CD8B: variants seen among roughly 807,000 people sequenced by gnomAD.
CD8B encodes CD8 subunit beta.
CD8B carries 6 observed loss-of-function variants against 24.2 expected under a neutral mutation model. The observed-to-expected ratio is 0.25, with a 90% CI of 0.14 to 0.49. The LOEUF (loss-of-function observed/expected upper bound fraction) is 0.49. CD8B is among the 20% of genes least tolerant of loss of function. CD8B has a pLI of 0.98. For synonymous variants in CD8B, 84 were observed against 108.3 expected, an observed-to-expected ratio of 0.78 and a Z score of 1.39; for missense variants, 196 against 271.3, an observed-to-expected ratio of 0.72 and a Z score of 1.95.
chr2:86,855,710 C>G (rs1290285329), intron 2 of CD8B, among the ~76,000 whole-genome samples: 1 of 152,194 alleles, frequency 6.6e-6, no homozygotes, highest in Non-Finnish European at 1.5e-5. Flanking sequence ...AGTGTTGCCT[C>G]CTTCAATCCT....
In CD8B at chr2:86,840,157, T is replaced by G. The variant is rs1300072120; in HGVS notation, c.*2150A>C. ...TTTGTGCTGACTTCTCAAAGCTGGA[T>G]CAAATGGAAAACACCTGGGTCTGGG... is the stretch of plus-strand genomic sequence containing the variant. On this transcript the variant is annotated 3_prime_UTR_variant, in exon 6 of 6. Coordinates refer to ENST00000390655, the MANE Select transcript of CD8B (RefSeq NM_004931.5). Among the ~76,000 whole-genome samples the G allele has an allele frequency of 1.1e-4, 15 of 134,412 alleles. No individual in the cohort carries two copies. The highest frequency in any genetic ancestry group is 2.4e-4 in the South Asian group (1 of 4,144). 88.2% of individuals were successfully genotyped at this position (134,412 alleles called of 152,430 possible).
chr2:86,861,460 G>C (rs1335181173), intron 1 of CD8B, among the ~76,000 whole-genome samples: 1 of 152,036 alleles, frequency 6.6e-6, no homozygotes, highest in Non-Finnish European at 1.5e-5. Context: ...ACCTTCCTCC[G>C]AGCACATCCT....
chr2:86,843,393 G>A (rs1198660997), intron 5 of CD8B: 158 of 972,072 alleles, frequency 1.6e-4, no homozygotes, highest in Non-Finnish European at 1.9e-4. Flanking sequence ...CACTGCACCC[G>A]GCCTTGAATG....
chr2:86,839,738 G>T lies in CD8B; in HGVS notation c.*2569C>A, dbSNP rs981645745. On this transcript the variant is annotated 3_prime_UTR_variant, in exon 6 of 6. Transcript: ENST00000390655. ...GCAATTGCAAAGACAGCAGCAGGGA[G>T]ACGGTCAAATTTCAAAGCCTGCAGT... Among the ~76,000 whole-genome samples the T allele has an allele frequency of 3.1e-4, 48 of 152,404 alleles. 1 individual carries two copies. The highest frequency in any genetic ancestry group is 1.7e-3 in the Admixed American group (26 of 15,312).
At chr2:86,829,176 T>G (rs1674811696) in intron 5 of CD8B, among the ~76,000 whole-genome samples, 1 of 143,472 alleles carries the variant, frequency 7.0e-6, no homozygotes, top group Non-Finnish European at 1.5e-5. Context: ...CTTAGCTCAC[T>G]GCAACCTCCG....
At chr2:86,853,788 C>T (rs910253771) in intron 2 of CD8B, among the ~76,000 whole-genome samples, 15 of 152,180 alleles carry the variant, frequency 9.9e-5, no homozygotes, top group Non-Finnish European at 1.9e-4. Context: ...TCACTGCAAC[C>T]TTTGCCTCCC....
At chr2:86,850,458 A>C (rs1277037425) in intron 3 of CD8B, among the ~76,000 whole-genome samples, 1 of 152,192 alleles carries the variant, frequency 6.6e-6, no homozygotes. Flanking sequence ...ACGCCCCACA[A>C]GCTCTGAGTG....
chr2:86,848,701 A>ATTAATTATTTATTTATTTATTTAAT lies in CD8B; in HGVS notation c.494-1929_494-1928insATTAAATAAATAAATAAATAATTAA, dbSNP rs58311096. Among the ~76,000 whole-genome samples, 14 of 58,874 alleles carry ATTAATTATTTATTTATTTATTTAAT rather than the reference A, an allele frequency of 2.4e-4. 1 individual carries two copies. The highest frequency in any genetic ancestry group is 6.0e-4 in the African/African-American group (7 of 11,754). The allele number at this position is 58,874 out of a possible 152,430, so 38.6% of individuals were successfully genotyped here. ...GGAAGAAAGGTATTGGTATTTTTAA[A>ATTAATTATTTATTTATTTATTTAAT]TTATTTATTTATTTATTTATTTATT... On this transcript the variant is annotated intron_variant, in intron 3 of 5. Coordinates refer to ENST00000390655, the MANE Select transcript of CD8B (RefSeq NM_004931.5).
intron 2 of CD8B, among the ~76,000 whole-genome samples, chr2:86,856,257 G>C (rs74749657): frequency 6.6e-6 from 1 of 152,154 alleles, no homozygotes. Flanking sequence ...GGATGGAGGC[G>C]GTGGGAAGCT....
At chr2:86,847,831 G>T (rs570933416) in intron 3 of CD8B, among the ~76,000 whole-genome samples, 9 of 152,322 alleles carry the variant, frequency 5.9e-5, no homozygotes, top group African/African-American at 1.9e-4. Context: ...CTCCCAAAGT[G>T]CTGGGATTAC....
chr2:86,815,429 T>C (rs2104481327), downstream of CD8B: 1 of 590,850 alleles, frequency 1.7e-6, no homozygotes, highest in Non-Finnish European at 3.0e-6. Context: ...GGGGGACACT[T>C]TGGGGTTCAC....
intron 3 of CD8B, among the ~76,000 whole-genome samples, chr2:86,848,535 C>T (rs1204131315): frequency 6.6e-6 from 1 of 151,876 alleles, no homozygotes; most frequent in African/African-American, 2.4e-5. Flanking sequence ...GAGCAGGGCC[C>T]ATGGGTGAAA....
Position 86,840,382 on chromosome 2 carries a change from A to C in CD8B, c.*1925T>G, listed in dbSNP as rs556944863. ...ATCTCCCCACACTGAGTAACCAAGG[A>C]TCAAAGGCTACTCTCCCTACAACCC... On this transcript the variant is annotated 3_prime_UTR_variant, in exon 6 of 6. Coordinates refer to ENST00000390655, the MANE Select transcript of CD8B (RefSeq NM_004931.5). Among the ~76,000 whole-genome samples, 4 of 152,206 alleles carry C rather than the reference A, an allele frequency of 2.6e-5. No homozygotes were observed. The highest frequency in any genetic ancestry group is 9.6e-5 in the African/African-American group (4 of 41,458).
intron 5 of CD8B, chr2:86,843,763 G>A (rs1196888106): frequency 5.9e-6 from 4 of 682,952 alleles, no homozygotes; most frequent in Admixed American, 6.3e-5. Context: ...ATACCCCAGT[G>A]AGTCCTCACA....
At chr2:86,857,759 A>C (rs1301805928) in intron 2 of CD8B, among the ~76,000 whole-genome samples, 1 of 152,184 alleles carries the variant, frequency 6.6e-6, no homozygotes, top group Non-Finnish European at 1.5e-5. Flanking sequence ...AAAGAGAAGC[A>C]CAATGCTCAT....
At chr2:86,833,469 G>A (rs961593332), downstream of CD8B, among the ~76,000 whole-genome samples, 2 of 119,750 alleles carry the variant, frequency 1.7e-5, no homozygotes, top group East Asian at 2.2e-4. Flanking sequence ...GTGAGGCACC[G>A]CACCCGGCCC....
intron 5 of CD8B, among the ~76,000 whole-genome samples, chr2:86,821,096 A>G (rs527546082): frequency 1.3e-5 from 2 of 151,312 alleles, no homozygotes; most frequent in South Asian, 4.2e-4. Flanking sequence ...GGCTTTGAAT[A>G]TAGGTGCTCT....
chr2:86,825,998 T>C (rs558090980), intron 5 of CD8B, among the ~76,000 whole-genome samples: 16 of 152,086 alleles, frequency 1.1e-4, no homozygotes, highest in Admixed American at 3.3e-4. Flanking sequence ...GGGGAAAACA[T>C]CCATGACAGC....
chr2:86,861,057 A>C (rs991446742), intron 1 of CD8B, among the ~76,000 whole-genome samples: 2 of 152,124 alleles, frequency 1.3e-5, no homozygotes, highest in African/African-American at 2.4e-5. Flanking sequence ...ATGATGTTGC[A>C]CTCACTGGGC....
Sources: allele counts gnomAD v4.1 joint callset (sites outside exome capture counted in the v4.1 genomes callset), GRCh38; gene constraint gnomAD v4.1.1; transcripts MANE v1.5; gene names NCBI Gene and HGNC (gene_info 2026-07-23, HGNC 2026-07-21).